Variants in PRKN observed in about 807,000 individuals in gnomAD.
PRKN encodes E3 ubiquitin-protein ligase parkin.
In PRKN, 56 loss-of-function variants were observed where a neutral mutation model predicts 59.5. The ratio of observed to expected loss-of-function variants is 0.94; its 90% CI spans 0.76 to 1.18. The LOEUF is 1.18. Among genes scored for constraint, PRKN ranks in the 50% most tolerant of loss-of-function variants. PRKN has a pLI of 0.00. For synonymous variants in PRKN, 250 were observed against 222.1 expected (o/e 1.13, Z -1.12); for missense variants, 657 against 596.4 (o/e 1.10, Z -1.06).
intron 7 of PRKN, among the ~76,000 whole-genome samples, chr6:161,780,416 G>C (rs530874092): frequency 7.5e-4 from 114 of 152,226 alleles, no homozygotes; most frequent in African/African-American, 2.3e-3. Context: ...TATATTGGAT[G>C]GTCATATGTC....
chr6:162,663,749 C>A (rs1778987859), intron 1 of PRKN, among the ~76,000 whole-genome samples: 1 of 152,024 alleles, frequency 6.6e-6, no homozygotes, highest in Non-Finnish European at 1.5e-5. Flanking sequence ...AAACCAAAAA[C>A]AACTTCTATC....
intron 4 of PRKN, among the ~76,000 whole-genome samples, chr6:162,098,204 G>A (rs1338330420): frequency 6.6e-6 from 1 of 151,942 alleles, no homozygotes; most frequent in African/African-American, 2.4e-5. Flanking sequence ...TAGTTTAAAC[G>A]AGGATCATGT....
At chr6:162,634,557 T>C (rs1777637076) in intron 1 of PRKN, among the ~76,000 whole-genome samples, 1 of 152,196 alleles carries the variant, frequency 6.6e-6, no homozygotes, top group South Asian at 2.1e-4. Context: ...CTTTGATGTC[T>C]TATTTAGCTT....
chr6:162,555,019 T>G (rs1167944967), intron 1 of PRKN, among the ~76,000 whole-genome samples: 1 of 152,152 alleles, frequency 6.6e-6, no homozygotes, highest in Non-Finnish European at 1.5e-5. Context: ...CAATGGACTA[T>G]GCTTCTAACA....
intron 5 of PRKN, among the ~76,000 whole-genome samples, chr6:162,014,895 A>C (rs1192599447): frequency 6.6e-6 from 1 of 151,964 alleles, no homozygotes; most frequent in Non-Finnish European, 1.5e-5. Flanking sequence ...CCAGCTGCAT[A>C]GTACTCTATT....
intron 2 of PRKN, among the ~76,000 whole-genome samples, chr6:162,269,178 A>C (rs775475119): frequency 6.6e-6 from 1 of 152,150 alleles, no homozygotes; most frequent in Non-Finnish European, 1.5e-5. Flanking sequence ...ACCCCAGGGA[A>C]GACTGCACTT....
chr6:162,527,792 G>A (rs558809340), intron 1 of PRKN, among the ~76,000 whole-genome samples: 5 of 152,148 alleles, frequency 3.3e-5, no homozygotes, highest in South Asian at 2.1e-4. Context: ...CCCATCAGGC[G>A]CTTTACATAC....
chr6:161,629,379 G>A (rs1308462907), intron 7 of PRKN, among the ~76,000 whole-genome samples: 5 of 152,014 alleles, frequency 3.3e-5, no homozygotes, highest in Non-Finnish European at 5.9e-5. Context: ...TTCAGAAGCC[G>A]CACTACAAGC....
At chr6:162,183,860 GA>G (rs1422711566) in intron 4 of PRKN, among the ~76,000 whole-genome samples, 1 of 152,108 alleles carries the variant, frequency 6.6e-6, no homozygotes, top group Non-Finnish European at 1.5e-5. Context: ...CCTAGTTTTA[GA>G]AAAATACACT....
chr6:161,569,400 G>C lies in PRKN; in HGVS notation c.888C>G (p.Ser296=), dbSNP rs1562531589. 6.2e-7 allele frequency: 1 copy of C among 1,613,800 alleles called. No individual in the cohort carries two copies. The change falls in exon 8 of 12, where the codon TCC becomes TCG. Residue 296 remains serine, a synonymous_variant. Transcript: ENST00000366898. Reference sequence around the variant, plus strand: ...TGAAGTGATGGAGCTCTTTAATCAAGGAGTTGGGACAGCCAGCTGTTGGAA... The same window carrying C: ...TGAAGTGATGGAGCTCTTTAATCAACGAGTTGGGACAGCCAGCTGTTGGAA... ...SLPCVAGCPN[S]LIKELHHFRI...
rs949911732 is a variant in PRKN, at chr6:161,357,164, G to C, written c.1285+2924C>G. ...CCTCCCAGGTTCAAGTAATTCTCCT[G>C]CCTCAGGTTCCCAAGCAGTTGGGAC... On this transcript the variant is annotated intron_variant, in intron 11 of 11. Coordinates refer to ENST00000366898, the MANE Select transcript of PRKN (RefSeq NM_004562.3). The surrounding 1 kb of genome is among the most constrained non-coding windows in gnomAD (Gnocchi z 5.5). Among the ~76,000 whole-genome samples, 2 of 148,360 alleles carry C rather than the reference G, an allele frequency of 1.3e-5. No individual in the cohort carries two copies. Among genetic ancestry groups the C allele is most frequent in the Admixed American group, 1.4e-4 (2 of 14,360 alleles).
intron 1 of PRKN, 80 bp from the exon 2 acceptor site, chr6:162,443,553 C>T (rs1427308704): frequency 7.7e-6 from 10 of 1,298,568 alleles, no homozygotes; most frequent in Non-Finnish European, 1.1e-5. Flanking sequence ...CATTTCTCAA[C>T]CGATTTACCC....
intron 2 of PRKN, among the ~76,000 whole-genome samples, chr6:162,307,358 C>A (rs1371527679): frequency 4.6e-5 from 7 of 151,000 alleles, no homozygotes; most frequent in African/African-American, 9.8e-5. Flanking sequence ...TGAGACCATG[C>A]CACTGCGCTC....
chr6:162,342,968 G>T (rs1784250058), intron 2 of PRKN, among the ~76,000 whole-genome samples: 1 of 151,746 alleles, frequency 6.6e-6, no homozygotes, highest in Non-Finnish European at 1.5e-5. Flanking sequence ...CTCTCTTGTG[G>T]CACTTTAAAA....
chr6:162,485,580 T>C (rs1052514965), intron 1 of PRKN, among the ~76,000 whole-genome samples: 5 of 152,210 alleles, frequency 3.3e-5, no homozygotes, highest in Non-Finnish European at 7.3e-5. Context: ...TTTATCTTCC[T>C]CTCCACAACT....
chr6:161,778,816 C>A (rs1181567439), intron 7 of PRKN, among the ~76,000 whole-genome samples: 7 of 152,232 alleles, frequency 4.6e-5, no homozygotes, highest in Non-Finnish European at 7.3e-5. Flanking sequence ...CAGACAGGAT[C>A]AGGCATGGAC....
intron 1 of PRKN, among the ~76,000 whole-genome samples, chr6:162,605,582 A>T (rs1781881151): frequency 6.6e-6 from 1 of 152,168 alleles, no homozygotes; most frequent in Non-Finnish European, 1.5e-5. Flanking sequence ...AGGTTGATAT[A>T]ATTCATTAAG....
Position 161,349,900 on chromosome 6 carries a change from C to T in PRKN, c.*199G>A. ...GAGCTTCTTCTGTAATTTTACTCTG[C>T]TGTTTTTCATGGACATAGTGAAAGG... is the stretch of plus-strand genomic sequence containing the variant. On this transcript the variant is annotated 3_prime_UTR_variant, in exon 12 of 12. Transcript: ENST00000366898. This position sits in a 1 kb window ranked among gnomAD's most constrained non-coding sequence, Gnocchi z 5.5. 1.6e-6 allele frequency: 1 copy of T among 624,974 alleles called. No homozygotes were observed. Among genetic ancestry groups the T allele is most frequent in the Non-Finnish European group, 2.9e-6 (1 of 343,138 alleles). 38.7% of individuals were successfully genotyped at this position (624,974 alleles called of 1,614,324 possible). A position where few individuals can be genotyped will look rare whatever the true frequency, so the allele number is the denominator to read the frequency against.
chr6:161,452,202 C>T (rs1403696911), intron 9 of PRKN, among the ~76,000 whole-genome samples: 2 of 152,124 alleles, frequency 1.3e-5, no homozygotes, highest in Non-Finnish European at 2.9e-5. Context: ...GATCCCACCT[C>T]GGCCTCCCAA....
Sources: allele counts gnomAD v4.1 joint callset (sites outside exome capture counted in the v4.1 genomes callset), GRCh38; gene constraint gnomAD v4.1.1; non-coding constraint Gnocchi (gnomAD v3.1); transcripts MANE v1.5; gene names NCBI Gene and HGNC (gene_info 2026-07-23, HGNC 2026-07-21).